LRRC4C: variants seen among roughly 807,000 people sequenced by gnomAD.
LRRC4C encodes the protein leucine-rich repeat-containing protein 4C.
A neutral mutation model predicts 33.6 loss-of-function variants in LRRC4C; 5 were observed. The observed-to-expected ratio is 0.15, with a 90% CI of 0.08 to 0.31. LRRC4C has a LOEUF of 0.31. Among genes scored for constraint, LRRC4C ranks in the 10% least tolerant of loss-of-function variants. LRRC4C has a pLI of 1.00. For synonymous variants in LRRC4C, 329 were observed against 302.0 expected (o/e 1.09, Z -0.93); for missense variants, 560 against 796.7 (o/e 0.70, Z 3.58).
intron 3 of LRRC4C, among the ~76,000 whole-genome samples, chr11:40,357,267 A>G (rs1328465256): frequency 6.6e-6 from 1 of 152,088 alleles, no homozygotes; most frequent in African/African-American, 2.4e-5. Flanking sequence ...TTTATTGTCA[A>G]AGCCTCTTTA....
chr11:41,449,447 G>A (rs1341000165), intron 1 of LRRC4C, among the ~76,000 whole-genome samples: 4 of 151,872 alleles, frequency 2.6e-5, no homozygotes, highest in Admixed American at 1.3e-4. Flanking sequence ...GGGTAAGAAG[G>A]GTAGGAAAAA....
intron 3 of LRRC4C, among the ~76,000 whole-genome samples, chr11:40,462,036 T>C (rs1297523330): frequency 6.6e-6 from 1 of 151,992 alleles, no homozygotes; most frequent in Non-Finnish European, 1.5e-5. Flanking sequence ...ATGTCTATAA[T>C]ATCTCTAAAT....
At chr11:40,251,753 A>T (rs1412946321) in intron 4 of LRRC4C, among the ~76,000 whole-genome samples, 1 of 152,210 alleles carries the variant, frequency 6.6e-6, no homozygotes, top group Non-Finnish European at 1.5e-5. Flanking sequence ...AAAAGAGTTT[A>T]TGCCATGCTT....
At position 40,723,657 on chromosome 11, in the gene LRRC4C, TA is replaced by T. The variant is rs545452288; in HGVS notation, c.-406-75380del. On this transcript the variant is annotated intron_variant, in intron 2 of 6. Coordinates refer to ENST00000528697, the MANE Select transcript of LRRC4C (RefSeq NM_001258419.2). The stretch of plus-strand genomic sequence containing the variant: ...AATTACACCTCCTACCACAAAAACA[TA>T]CATAAGTACATTACCCACAGACTCT... 5.9e-5 allele frequency among the ~76,000 whole-genome samples: 9 copies of T among 152,132 alleles called. No homozygotes were observed. In the South Asian group the frequency reaches 1.9e-3, roughly 32 times the overall value.
chr11:40,722,003 G>C (rs1008581467), intron 2 of LRRC4C, among the ~76,000 whole-genome samples: 1 of 152,088 alleles, frequency 6.6e-6, no homozygotes, highest in Non-Finnish European at 1.5e-5. Context: ...TTCAAACTGA[G>C]TTCTCAGAGA....
At chr11:41,173,896 A>G (rs1236036325) in intron 1 of LRRC4C, among the ~76,000 whole-genome samples, 1 of 152,188 alleles carries the variant, frequency 6.6e-6, no homozygotes, top group Non-Finnish European at 1.5e-5. Context: ...TAAGCAAATA[A>G]CAAGATATTT....
At chr11:40,751,584 T>C (rs1035245377) in intron 2 of LRRC4C, among the ~76,000 whole-genome samples, 1 of 151,956 alleles carries the variant, frequency 6.6e-6, no homozygotes, top group East Asian at 1.9e-4. Context: ...CTACAAAACA[T>C]TGATGTAAGA....
intron 3 of LRRC4C, among the ~76,000 whole-genome samples, chr11:40,573,618 C>T (rs1958068197): frequency 6.6e-6 from 1 of 152,110 alleles, no homozygotes; most frequent in Admixed American, 6.6e-5. Flanking sequence ...ACATATTAAG[C>T]TTTCACATGA....
At chr11:40,539,179 T>C (rs1956602399) in intron 3 of LRRC4C, among the ~76,000 whole-genome samples, 1 of 152,198 alleles carries the variant, frequency 6.6e-6, no homozygotes. Context: ...CAATGACTCA[T>C]TTATCAGGAC....
At chr11:40,123,292 G>C (rs1049328410) in intron 6 of LRRC4C, among the ~76,000 whole-genome samples, 1 of 152,052 alleles carries the variant, frequency 6.6e-6, no homozygotes, top group Non-Finnish European at 1.5e-5. Flanking sequence ...TCTTGGAAAA[G>C]AAGAGGTCAA....
intron 4 of LRRC4C, among the ~76,000 whole-genome samples, chr11:40,298,508 A>G (rs1383139383): frequency 6.6e-6 from 1 of 151,178 alleles, no homozygotes; most frequent in African/African-American, 2.4e-5. Flanking sequence ...GAAATCCAAT[A>G]GAGCAAGCAG....
chr11:40,686,818 TAA>T (rs1944982337), intron 2 of LRRC4C, among the ~76,000 whole-genome samples: 1 of 152,034 alleles, frequency 6.6e-6, no homozygotes, highest in Non-Finnish European at 1.5e-5. Context: ...GTAGAGTACC[TAA>T]AGACTAGTGT....
intron 3 of LRRC4C, among the ~76,000 whole-genome samples, chr11:40,533,227 T>A (rs1956341781): frequency 6.6e-6 from 1 of 152,194 alleles, no homozygotes; most frequent in Non-Finnish European, 1.5e-5. Context: ...ATTAAATTGA[T>A]TAACAAATAA....
At chr11:40,859,464 C>T (rs1953966067) in intron 2 of LRRC4C, among the ~76,000 whole-genome samples, 2 of 151,812 alleles carry the variant, frequency 1.3e-5, no homozygotes, top group Non-Finnish European at 1.5e-5. Context: ...TAAGACTGTA[C>T]TCACAAACAC....
At chr11:40,633,395 CT>C (rs35352183) in intron 3 of LRRC4C, among the ~76,000 whole-genome samples, 2,131 of 124,582 alleles carry the variant, frequency 0.017, 165 homozygotes, top group African/African-American at 0.066. Context: ...TTCTTTCTTT[CT>C]TTTTTTTTTT....
At chr11:40,190,880 C>T (rs999421592) in intron 5 of LRRC4C, among the ~76,000 whole-genome samples, 1 of 152,134 alleles carries the variant, frequency 6.6e-6, no homozygotes, top group Non-Finnish European at 1.5e-5. Flanking sequence ...AAAAGAACCT[C>T]CCACCTCCCA....
chr11:40,391,295 A>C (rs1489333712), intron 3 of LRRC4C, among the ~76,000 whole-genome samples: 1 of 152,136 alleles, frequency 6.6e-6, no homozygotes, highest in African/African-American at 2.4e-5. Flanking sequence ...CAAATGACAA[A>C]CTTTGTTTTT....
At chr11:40,491,588 T>A (rs1434413534) in intron 3 of LRRC4C, among the ~76,000 whole-genome samples, 4 of 152,034 alleles carry the variant, frequency 2.6e-5, no homozygotes. Flanking sequence ...GCTGATCACT[T>A]CCTGCCATAC....
At chr11:40,497,187 C>G (rs1398104846) in intron 3 of LRRC4C, among the ~76,000 whole-genome samples, 2 of 152,118 alleles carry the variant, frequency 1.3e-5, no homozygotes, top group East Asian at 3.9e-4. Context: ...GGGCGGATCA[C>G]GAAGTCAGGA....
Sources: allele counts gnomAD v4.1 joint callset (sites outside exome capture counted in the v4.1 genomes callset), GRCh38; gene constraint gnomAD v4.1.1; transcripts MANE v1.5; gene names NCBI Gene and HGNC (gene_info 2026-07-23, HGNC 2026-07-21).